EXD1: variants seen among roughly 807,000 people sequenced by gnomAD.
The protein encoded by EXD1 is exonuclease 3'-5' domain containing 1.
Under a neutral mutation model 49.1 loss-of-function variants are expected in EXD1, and 63 were observed. The observed-to-expected ratio is 1.28, with a 90% CI of 1.05 to 1.58. EXD1 has a LOEUF of 1.58. EXD1 is among the 40% of genes most tolerant of loss of function. EXD1 has a pLI of 0.00. For missense variants in EXD1, 748 were observed against 666.0 expected (o/e 1.12, Z -1.36); for synonymous variants, 234 against 239.2 (o/e 0.98, Z 0.20).
chr15:41,204,328 A>G (rs998839696), intron 7 of EXD1, among the ~76,000 whole-genome samples: 1 of 151,624 alleles, frequency 6.6e-6, no homozygotes, highest in African/African-American at 2.4e-5. Flanking sequence ...GGGCAGTTGG[A>G]TCACCTGAGG....
intron 11 of EXD1, 124 bp downstream of exon 11, chr15:41,189,813 C>G: frequency 1.1e-6 from 1 of 899,586 alleles, no homozygotes; most frequent in Non-Finnish European, 1.7e-6. Context: ...GTTGCCCCTT[C>G]AAGAGTATTT....
At chr15:41,228,017 T>G (rs1249489755) in intron 1 of EXD1, among the ~76,000 whole-genome samples, 1 of 152,106 alleles carries the variant, frequency 6.6e-6, no homozygotes, top group Non-Finnish European at 1.5e-5. Context: ...GCCATTGCAC[T>G]CCAGCCTGGG....
chr15:41,193,258 T>G (rs2046558818), intron 9 of EXD1, among the ~76,000 whole-genome samples: 1 of 152,156 alleles, frequency 6.6e-6, no homozygotes, highest in African/African-American at 2.4e-5. Context: ...ACCTGCCTTA[T>G]GGTTATTTAT....
At chr15:41,219,945 A>C (rs1266099251) in intron 2 of EXD1, 47 bp from the exon 3 acceptor site, 1 of 1,462,116 alleles carries the variant, frequency 6.8e-7, no homozygotes, top group East Asian at 2.5e-5. Context: ...ATTTTCCTAA[A>C]ACTCTAAGAA....
intron 6 of EXD1, among the ~76,000 whole-genome samples, chr15:41,211,395 G>A (rs2046918741): frequency 6.6e-6 from 1 of 151,858 alleles, no homozygotes. Flanking sequence ...ACAAGACTGA[G>A]CCACCACGCC....
At chr15:41,208,964 G>A (rs1201000410) in intron 7 of EXD1, among the ~76,000 whole-genome samples, 8 of 148,456 alleles carry the variant, frequency 5.4e-5, no homozygotes, top group East Asian at 2.0e-4. Flanking sequence ...CTTTAACAGC[G>A]AACCTATTCT....
At chr15:41,212,610 T>C (rs1452467104) in intron 6 of EXD1, among the ~76,000 whole-genome samples, 2 of 152,094 alleles carry the variant, frequency 1.3e-5, no homozygotes, top group African/African-American at 4.8e-5. Context: ...CTAAGAGAAA[T>C]AAAATCATCC....
intron 9 of EXD1, 70 bp downstream of exon 9, chr15:41,195,705 G>T: frequency 2.1e-5 from 23 of 1,113,832 alleles, no homozygotes; most frequent in South Asian, 4.1e-5. Flanking sequence ...CTCATCAGAT[G>T]ACCAGATGAG....
At chr15:41,219,668 A>G (rs2047056215) in intron 3 of EXD1, 162 bp downstream of exon 3, 1 of 567,796 alleles carries the variant, frequency 1.8e-6, no homozygotes, top group Non-Finnish European at 3.0e-6. Context: ...TTATAATTCT[A>G]TAAGACTATT....
chr15:41,215,971 C>A, intron 5 of EXD1, 138 bp from the exon 6 acceptor site: 1 of 706,130 alleles, frequency 1.4e-6, no homozygotes, highest in South Asian at 1.6e-5. Flanking sequence ...ACCCTCCCTA[C>A]GTACTACTTC....
intron 3 of EXD1, among the ~76,000 whole-genome samples, chr15:41,218,184 T>TA (rs34812285): frequency 3.0e-4 from 46 of 151,806 alleles, no homozygotes; most frequent in Non-Finnish European, 5.4e-4. Flanking sequence ...GTGTCTCTAC[T>TA]AAAAAAATAC....
Position 41,183,900 on chromosome 15 carries a change from C to G in EXD1, c.*31G>C. The G allele has an allele frequency of 1.3e-6, 2 of 1,535,106 alleles. No individual in the cohort carries two copies. The highest frequency in any genetic ancestry group is 1.7e-6 in the Non-Finnish European group (2 of 1,143,874). On this transcript the variant is annotated 3_prime_UTR_variant, in exon 12 of 12. Transcript: ENST00000458580. ...CCTGATGGCAAAGGAAATAAGCCATCTGTATGGCCTTAAGAACAAACTGCC... is the reference window on the plus strand; with the variant it reads ...CCTGATGGCAAAGGAAATAAGCCATGTGTATGGCCTTAAGAACAAACTGCC...
chr15:41,214,428 G>C (rs577560840), intron 6 of EXD1, among the ~76,000 whole-genome samples: 1 of 150,988 alleles, frequency 6.6e-6, no homozygotes, highest in Non-Finnish European at 1.5e-5. Context: ...CAGGAGAATC[G>C]CTTGAACCCA....
At chr15:41,212,978 C>T (rs932592934) in intron 6 of EXD1, among the ~76,000 whole-genome samples, 3 of 151,780 alleles carry the variant, frequency 2.0e-5, no homozygotes, top group African/African-American at 7.3e-5. Context: ...GAGGTCCAGG[C>T]TGCAGTGAAC....
rs1404087571 is a variant in EXD1 at position 41,184,037 on chromosome 15, C to T, written c.1613G>A (p.Ser538Asn). Residue 538 changes from serine (S) to asparagine (N), a missense_variant, in exon 12 of 12, where the codon AGT becomes AAT. Physicochemically the swap from Ser to Asn is conservative, Grantham distance 46. Transcript: ENST00000458580. ...CTTTCTGATAGGATAAAAAGTGTCA[C>T]TTGGAGACACTCTGGTTTCCTGAGG... ...SFPQETRVSP[S>N]DTFYPIRKTV... The T allele has an allele frequency of 2.5e-6, 4 of 1,614,184 alleles. No individual in the cohort carries two copies. The highest frequency in any genetic ancestry group is 1.7e-6 in the Non-Finnish European group (2 of 1,180,024).
At chr15:41,224,453 T>C (rs922651464) in intron 2 of EXD1, among the ~76,000 whole-genome samples, 2 of 152,164 alleles carry the variant, frequency 1.3e-5, no homozygotes, top group African/African-American at 2.4e-5. Context: ...TTTATACATG[T>C]TTCAATGATG....
chr15:41,185,356 G>GTTTT, intron 11 of EXD1, among the ~76,000 whole-genome samples: 1 of 151,068 alleles, frequency 6.6e-6, no homozygotes, highest in South Asian at 2.1e-4. Flanking sequence ...GTTTTGTTTT[G>GTTTT]ATTTTTTTAG....
intron 7 of EXD1, among the ~76,000 whole-genome samples, chr15:41,201,464 T>A (rs1361540301): frequency 6.6e-6 from 1 of 150,972 alleles, no homozygotes; most frequent in African/African-American, 2.4e-5. Flanking sequence ...AGATCAATTT[T>A]ATATAATTTA....
chr15:41,217,529 CTTT>C (rs3033817), intron 3 of EXD1, among the ~76,000 whole-genome samples: 1 of 127,124 alleles, frequency 7.9e-6, no homozygotes, highest in Non-Finnish European at 1.6e-5. Context: ...GAGGGTTTTC[CTTT>C]TTTTTTTTTT....
Sources: gnomAD v4.1 joint callset for allele counts (sites outside exome capture counted in the v4.1 genomes callset) on GRCh38, gnomAD v4.1.1 for gene constraint, MANE v1.5 for transcripts, NCBI Gene and HGNC (gene_info 2026-07-23, HGNC 2026-07-21) for gene names.